FCGR2B: variants seen among roughly 807,000 people sequenced by gnomAD.
The protein encoded by FCGR2B is Fc gamma receptor IIb, also known as low affinity immunoglobulin gamma Fc region receptor II-b.
Under a neutral mutation model 24.8 loss-of-function variants are expected in FCGR2B, and 18 were observed. The ratio of observed to expected loss-of-function variants is 0.73; its 90% CI spans 0.50 to 1.08. FCGR2B has a LOEUF of 1.08. Among genes scored for constraint, FCGR2B ranks in the 50% least tolerant of loss-of-function variants. The pLI, the probability that FCGR2B is intolerant of heterozygous loss-of-function variation, is 0.00. For synonymous variants in FCGR2B, 79 were observed against 109.8 expected, an observed-to-expected ratio of 0.72 and a Z score of 1.75; for missense variants, 215 against 297.6, an observed-to-expected ratio of 0.72 and a Z score of 2.04.
In FCGR2B at chr1:161,678,113, G is replaced by T. The variant is rs1031269688; in HGVS notation, c.*560G>T. On this transcript the variant is annotated 3_prime_UTR_variant, in exon 8 of 8. Transcript: ENST00000358671. ...TGGAGTGTAGACTGAACTGCCTGGG[G>T]TCTGTTTCTCTTCAGTGATGAGACT... 5.0e-5 allele frequency: 11 copies of T among 221,264 alleles called. No individual in the cohort carries two copies. Among genetic ancestry groups the T allele is most frequent in the African/African-American group, 2.2e-4 (10 of 44,638 alleles). The allele number at this position is 221,264 out of a possible 1,614,324, so 13.7% of individuals were successfully genotyped here.
At chr1:161,661,185 GAAAGGAAAGAAAGAAAGAAAGAAA>G (rs1286875151), upstream of FCGR2B, among the ~76,000 whole-genome samples, 1 of 72,808 alleles carries the variant, frequency 1.4e-5, no homozygotes. Context: ...AAGGAAGGAA[GAAAGGAAAGAAAGAAAGAAAGAAA>G]GAAAGAAAGA....
chr1:161,650,138 G>C, the FCGR2B span, among the ~76,000 whole-genome samples: 4 of 149,394 alleles, frequency 2.7e-5, no homozygotes, highest in South Asian at 2.1e-4. Context: ...CTCCTGAGTT[G>C]CTGGGACTAC....
intron 3 of FCGR2B, chr1:161,672,429 C>A: frequency 5.8e-6 from 1 of 172,342 alleles, no homozygotes. Context: ...GCCTTTAGAC[C>A]CTGCTGGAAA....
intron 3 of FCGR2B, 48 bp from the exon 4 acceptor site, chr1:161,672,927 G>A (rs1255553105): frequency 1.2e-6 from 2 of 1,610,462 alleles, no homozygotes; most frequent in East Asian, 2.2e-5. Context: ...GGGTCTCAGA[G>A]CTGAGCCAAG....
chr1:161,654,476 G>GA, the FCGR2B span, among the ~76,000 whole-genome samples: 1 of 135,832 alleles, frequency 7.4e-6, no homozygotes, highest in African/African-American at 2.5e-5. Context: ...TTGTTCCTTA[G>GA]AAAAAAGGAT....
intron 6 of FCGR2B, chr1:161,676,330 T>C (rs3767639): frequency 0.15 from 28,931 of 193,524 alleles, 2,814 homozygotes; most frequent in African/African-American, 0.26. Flanking sequence ...GTCGCATGTC[T>C]GCTGGCCAGG....
the FCGR2B span, among the ~76,000 whole-genome samples, chr1:161,650,294 A>T: frequency 6.8e-6 from 1 of 146,506 alleles, no homozygotes; most frequent in South Asian, 2.2e-4. Context: ...GCCAAAAAAA[A>T]GTTTTGAAGT....
upstream of FCGR2B, among the ~76,000 whole-genome samples, chr1:161,661,234 GAAAGAA>G (rs1173317851): frequency 3.9e-5 from 3 of 76,048 alleles, no homozygotes; most frequent in East Asian, 6.9e-4. Context: ...AAGAAAGAAA[GAAAGAA>G]AGAAAGAAAG....
At chr1:161,669,605 A>AAAATAAAATG (rs1681513300) in intron 1 of FCGR2B, among the ~76,000 whole-genome samples, 1 of 142,556 alleles carries the variant, frequency 7.0e-6, no homozygotes, top group South Asian at 2.4e-4. Context: ...AAAATAAAAT[A>AAAATAAAATG]AAATAAAATA....
At chr1:161,671,017 G>T (rs375639435) in intron 2 of FCGR2B, among the ~76,000 whole-genome samples, 6 of 152,144 alleles carry the variant, frequency 3.9e-5, no homozygotes, top group Admixed American at 6.5e-5. Flanking sequence ...TGTTTATCGG[G>T]GAGAAAAGTT....
rs762610753 is a variant in FCGR2B, at chr1:161,677,566, T to G, written c.*13T>G. ...GAACCGTATTTAGTCTCCATTGTCT[T>G]GCATTGGGATTTGAGAAGAAAATCA... On this transcript the variant is annotated 3_prime_UTR_variant, in exon 8 of 8. Coordinates refer to ENST00000358671, the MANE Select transcript of FCGR2B (RefSeq NM_001394477.1). 5 of 1,588,248 alleles carry G rather than the reference T, an allele frequency of 3.1e-6. No homozygotes were observed.
intron 6 of FCGR2B, 82 bp from the exon 7 acceptor site, chr1:161,677,246 T>C: frequency 1.4e-6 from 2 of 1,394,024 alleles, no homozygotes. Flanking sequence ...GTTTGGGCGT[T>C]GGTTTTGCAG....
rs183914146 is a variant in FCGR2B, at chr1:161,676,381, A to G, written c.818-947A>G. 2.5e-3 allele frequency: 469 copies of G among 187,324 alleles called. 1 individual carries two copies. The highest frequency in any genetic ancestry group is 3.9e-3 in the Non-Finnish European group (344 of 88,886). 11.6% of individuals were successfully genotyped at this position (187,324 alleles called of 1,614,324 possible). ...GGCCTGTGTTCACACCAGGGCCAAAACAGATCTGGAAAAAACAAAGTCCAA... is the reference window on the plus strand; with the variant it reads ...GGCCTGTGTTCACACCAGGGCCAAAGCAGATCTGGAAAAAACAAAGTCCAA... On this transcript the variant is annotated intron_variant, in intron 6 of 7. Transcript: ENST00000358671.
intron 6 of FCGR2B, chr1:161,677,030 G>A: frequency 6.8e-6 from 3 of 443,614 alleles, no homozygotes; most frequent in South Asian, 6.1e-5. Flanking sequence ...CAATATCTCA[G>A]ATCCCAAGCC....
At position 161,671,517 on chromosome 1, in the gene FCGR2B, A is replaced by G. The variant is rs1180961255; in HGVS notation, c.259A>G (p.Asn87Asp). The G allele has an allele frequency of 3.7e-6, 6 of 1,614,194 alleles. No homozygotes were observed. Among genetic ancestry groups the G allele is most frequent in the Middle Eastern group, 1.6e-4 (1 of 6,062 alleles). ...PESDSIQWFH[N>D]GNLIPTHTQP... ...GAGCGACTCCATTCAGTGGTTCCACAATGGGAATCTCATTCCCACCCACAC... is the reference window on the plus strand; with the variant it reads ...GAGCGACTCCATTCAGTGGTTCCACGATGGGAATCTCATTCCCACCCACAC... Residue 87 changes from asparagine (N) to aspartate (D), a missense_variant, in exon 3 of 8, where the codon AAT becomes GAT. Physicochemically the swap from Asn to Asp is conservative, Grantham distance 23. This residue lies in a region of FCGR2B where 77 missense variants were observed against 68.8 expected (regional missense o/e 1.12). Transcript: ENST00000358671.
chr1:161,652,929 T>C, the FCGR2B span, among the ~76,000 whole-genome samples: 1 of 134,154 alleles, frequency 7.5e-6, no homozygotes, highest in Admixed American at 8.3e-5. Context: ...CGGATGGTAT[T>C]TTCTCAATTT....
chr1:161,647,463 T>G, the FCGR2B span, among the ~76,000 whole-genome samples: 15 of 150,270 alleles, frequency 1.0e-4, 1 homozygote, highest in Admixed American at 2.7e-4. Flanking sequence ...AGCATGCCCG[T>G]CTAATTTTTG....
chr1:161,675,936 C>T, intron 6 of FCGR2B: 1 of 232,836 alleles, frequency 4.3e-6, no homozygotes, highest in Non-Finnish European at 8.5e-6. Context: ...GTTCTGCCCT[C>T]ATCACACAGT....
At chr1:161,648,526 TG>T in the FCGR2B span, among the ~76,000 whole-genome samples, 1 of 150,788 alleles carries the variant, frequency 6.6e-6, no homozygotes, top group African/African-American at 2.5e-5. Flanking sequence ...TTTTTTATGA[TG>T]TTTCTGTTTA....
Sources: gnomAD v4.1 joint callset for allele counts (sites outside exome capture counted in the v4.1 genomes callset) on GRCh38, gnomAD v4.1.1 for gene constraint, gnomAD v4.1.1 regional missense constraint, MANE v1.5 for transcripts, NCBI Gene and HGNC (gene_info 2026-07-23, HGNC 2026-07-21) for gene names.